PLXNA3: variants seen among roughly 807,000 people sequenced by gnomAD.
PLXNA3 encodes the protein plexin A3, also known as plexin-A3.
In PLXNA3, 52 loss-of-function variants were observed where a neutral mutation model predicts 118.8. The observed-to-expected ratio is 0.44, with a 90% CI of 0.35 to 0.55. The LOEUF (loss-of-function observed/expected upper bound fraction) is 0.55, where lower values mean the gene tolerates loss of function less well. Among genes scored for constraint, PLXNA3 ranks in the 20% least tolerant of loss-of-function variants. The pLI is 0.01. For synonymous variants in PLXNA3, 925 were observed against 762.4 expected (o/e 1.21, Z -3.51); for missense variants, 1,660 against 1,730.8 (o/e 0.96, Z 0.73).
At chrX:154,469,307 G>C in intron 26 of PLXNA3, 72 bp from the exon 27 acceptor site, 2 of 1,160,223 alleles carry the variant, frequency 1.7e-6, no homozygotes, top group Non-Finnish European at 2.3e-6. Flanking sequence ...CCTGAACCCT[G>C]TTTCCAAAGA....
chrX:154,470,782 A>T, intron 30 of PLXNA3, 171 bp downstream of exon 30: 1 of 491,496 alleles, frequency 2.0e-6, no homozygotes, highest in Non-Finnish European at 3.4e-6. Flanking sequence ...TGTTGCGTCC[A>T]GTTCTGGAGC....
At chrX:154,458,817 C>G (rs1406001772) in intron 1 of PLXNA3, among the ~76,000 whole-genome samples, 2 of 112,085 alleles carry the variant, frequency 1.8e-5, no homozygotes, top group Non-Finnish European at 3.8e-5. Flanking sequence ...TCTCTGCTGG[C>G]CCAGCTGTAC....
rs782711186 is a variant in PLXNA3, at chrX:154,464,213, C to G, written c.1728C>G (p.Phe576Leu). The change falls in exon 8 of 33, where the codon TTC becomes TTG. Residue 576 changes from phenylalanine to leucine, a missense_variant. Phe to Leu is a conservative substitution (Grantham distance 22). Around this residue, in one of 2 missense-constraint regions of PLXNA3, gnomAD observed 791 missense variants for 652.1 expected, o/e 1.21. Coordinates refer to ENST00000369682, the MANE Select transcript of PLXNA3 (RefSeq NM_017514.5). The part of the protein sequence containing the change: ...PDLSAGVSCA[F>L]EAAAENEAVL... Reference sequence around the variant, plus strand: ...TCAGTGCGGGCGTGAGCTGCGCCTTCGAGGCGGCGGCGGAGAACGAGGCGG... The same window carrying G: ...TCAGTGCGGGCGTGAGCTGCGCCTTGGAGGCGGCGGCGGAGAACGAGGCGG... 8.3e-7 allele frequency: 1 copy of G among 1,207,484 alleles called. No individual in the cohort carries two copies. Among genetic ancestry groups the G allele is most frequent in the Non-Finnish European group, 1.1e-6 (1 of 894,237 alleles).
chrX:154,469,282 C>T, intron 26 of PLXNA3, 67 bp downstream of exon 26: 6 of 1,156,556 alleles, frequency 5.2e-6, no homozygotes, highest in Non-Finnish European at 7.0e-6. Flanking sequence ...CCTCCGTGGG[C>T]TCTCCCGCTC....
chrX:154,460,388 G>C lies in PLXNA3; in HGVS notation c.205G>C (p.Gly69Arg). Reference sequence around the variant, plus strand: ...GACTGAGCTGCGGGCCCATGTCACGGGGCCCGTCGAGGACAACGCTCGCTG... The same window carrying C: ...GACTGAGCTGCGGGCCCATGTCACGCGGCCCGTCGAGGACAACGCTCGCTG... ...NLTELRAHVT[G>R]PVEDNARCYP... The change falls in exon 2 of 33, where the codon GGG becomes CGG. Residue 69 changes from glycine to arginine, a missense_variant. Coordinates refer to ENST00000369682, the MANE Select transcript of PLXNA3 (RefSeq NM_017514.5). The C allele has an allele frequency of 8.3e-7, 1 of 1,208,167 alleles. No homozygotes were observed. The highest frequency in any genetic ancestry group is 1.1e-6 in the Non-Finnish European group (1 of 893,622).
rs1001425182 is a variant in PLXNA3 at position 154,476,133 on chromosome X, C to G, written c.*3448C>G. 4 of 111,119 alleles carry G rather than the reference C, an allele frequency of 3.6e-5. No homozygotes were observed. The highest frequency in any genetic ancestry group is 7.6e-5 in the Non-Finnish European group (4 of 52,940). The allele number at this position is 111,119 out of a possible 1,213,427, so 9.2% of individuals were successfully genotyped here. On this transcript the variant is annotated 3_prime_UTR_variant, in exon 33 of 33. Coordinates refer to ENST00000369682, the MANE Select transcript of PLXNA3 (RefSeq NM_017514.5). ...GCCAGCCTAGGTGACAGAGCCAGACCCTGTATCAAAAAAAATAATAATAAT... is the reference window on the plus strand; with the variant it reads ...GCCAGCCTAGGTGACAGAGCCAGACGCTGTATCAAAAAAAATAATAATAAT...
chrX:154,470,345 C>T (rs1285594143), intron 29 of PLXNA3, 97 bp from the exon 30 acceptor site: 5 of 989,894 alleles, frequency 5.1e-6, no homozygotes, highest in East Asian at 6.2e-5. Flanking sequence ...GTAGGGAAGC[C>T]CCTCTCTTTG....
intron 30 of PLXNA3, 27 bp downstream of exon 30, chrX:154,470,638 A>C: frequency 8.4e-7 from 1 of 1,194,144 alleles, no homozygotes; most frequent in African/African-American, 1.7e-5. Context: ...GGCTGCCAGC[A>C]GCCTGTCTGG....
chrX:154,465,444 G>A lies in PLXNA3; in HGVS notation c.2265G>A (p.Glu755=). The part of the protein sequence containing the change: ...QNASYSYEGD[E]HGDTELDFSV... ...TCCAGTACTCCTATGAAGGTGATGA[G>A]CATGGTGACACCGAGCTGGACTTTT... The change falls in exon 12 of 33, where the codon GAG becomes GAA. Residue 755 remains glutamate (E), a synonymous_variant. Coordinates refer to ENST00000369682, the MANE Select transcript of PLXNA3 (RefSeq NM_017514.5). The A allele has an allele frequency of 8.3e-7, 1 of 1,206,504 alleles. No homozygotes were observed. Among genetic ancestry groups the A allele is most frequent in the Non-Finnish European group, 1.1e-6 (1 of 890,897 alleles).
chrX:154,463,675 G>C lies in PLXNA3; in HGVS notation c.1532G>C (p.Cys511Ser), dbSNP rs1557205705. The part of the protein sequence containing the change: ...LGSGDPHCGW[C>S]VLRHRCCREG... ...TCCGGGGACCCGCACTGTGGTTGGTGTGTGCTGCGACACAGGTGAGGGCGG... is the reference window on the plus strand; with the variant it reads ...TCCGGGGACCCGCACTGTGGTTGGTCTGTGCTGCGACACAGGTGAGGGCGG... Residue 511 changes from cysteine to serine, a missense_variant, in exon 6 of 33, where the codon TGT becomes TCT. Physicochemically the swap from Cys to Ser is moderately radical, Grantham distance 112. Coordinates refer to ENST00000369682, the MANE Select transcript of PLXNA3 (RefSeq NM_017514.5). The C allele has an allele frequency of 8.3e-7, 1 of 1,199,867 alleles. No homozygotes were observed. The highest frequency in any genetic ancestry group is 1.8e-5 in the African/African-American group (1 of 57,135).
Position 154,464,405 on chromosome X carries a change from C to A in PLXNA3, c.1832C>A (p.Ala611Asp). 1.7e-6 allele frequency: 2 copies of A among 1,208,453 alleles called. No homozygotes were observed. Among genetic ancestry groups the A allele is most frequent in the Non-Finnish European group, 2.2e-6 (2 of 893,290 alleles). ...GGCCACCCCGGGACTGCTGCAGGGG[C>A]CACCCGCACTGTGCGGCTGCAGCTT... ...ELRALTRGHG[A>D]TRTVRLQLLS... The change falls in exon 9 of 33, where the codon GCC becomes GAC. Residue 611 changes from alanine (A) to aspartate (D), a missense_variant. Around this residue, in one of 2 missense-constraint regions of PLXNA3, gnomAD observed 791 missense variants for 652.1 expected, o/e 1.21. Transcript: ENST00000369682.
In PLXNA3 at chrX:154,466,659, C is replaced by T. The variant is rs1557207251; in HGVS notation, c.2973C>T (p.Leu991=). 8.3e-7 allele frequency: 1 copy of T among 1,204,033 alleles called. No individual in the cohort carries two copies. Among genetic ancestry groups the T allele is most frequent in the Non-Finnish European group, 1.1e-6 (1 of 891,761 alleles). Residue 991 remains leucine, a synonymous_variant, in exon 17 of 33, where the codon CTC becomes CTT. Coordinates refer to ENST00000369682, the MANE Select transcript of PLXNA3 (RefSeq NM_017514.5). ...AGGCGATCGTGTGCATCTCACCTCT[C>T]TCCACCCTGGGCCCCAGCCAGGCCC... The part of the protein sequence containing the change: ...DAKAIVCISP[L]STLGPSQAPI...
rs200721928 is a variant in PLXNA3, at chrX:154,466,153, C to T, written c.2682C>T (p.Ile894=). The T allele has an allele frequency of 6.1e-5, 74 of 1,209,233 alleles. 2 individuals are homozygous for T. The highest frequency in any genetic ancestry group is 5.3e-4 in the East Asian group (18 of 33,788). ...CCTGACGCTCTCTGAGCCCTAGGAT[C>T]GTGTGTGAGATGGAGGAGTCGCTGG... ...IPAEYISAER[I]VCEMEESLVP... The change falls in exon 15 of 33, where the codon ATC becomes ATT. Residue 894 remains isoleucine (I), a synonymous_variant. Transcript: ENST00000369682.
In PLXNA3 at chrX:154,464,232, G is replaced by C; in HGVS notation, c.1747G>C (p.Glu583Gln). 1 of 1,208,330 alleles carries C rather than the reference G, an allele frequency of 8.3e-7. No homozygotes were observed. ...SCAFEAAAEN[E>Q]AVLLPSGELL... is the part of the protein sequence containing the mutation. ...CGCCTTCGAGGCGGCGGCGGAGAAC[G>C]AGGCGGTCCTGCTGCCCTCCGGTGA... Residue 583 changes from glutamate (E) to glutamine (Q), a missense_variant, in exon 8 of 33, where the codon GAG (glutamate) becomes CAG (glutamine). Glu to Gln is a conservative substitution (Grantham distance 29, BLOSUM62 2). Around this residue, in one of 2 missense-constraint regions of PLXNA3, gnomAD observed 791 missense variants for 652.1 expected, o/e 1.21. Coordinates refer to ENST00000369682, the MANE Select transcript of PLXNA3 (RefSeq NM_017514.5).
At position 154,469,992 on chromosome X, in the gene PLXNA3, C is replaced by T. The variant is rs995719121; in HGVS notation, c.4811C>T (p.Thr1604Met). 3 of 1,209,575 alleles carry T rather than the reference C, an allele frequency of 2.5e-6. No individual in the cohort carries two copies. The highest frequency in any genetic ancestry group is 3.0e-5 in the East Asian group (1 of 33,799). Residue 1604 changes from threonine to methionine, a missense_variant, in exon 29 of 33, where the codon ACG (threonine) becomes ATG (methionine). Transcript: ENST00000369682. ...SLSRYESLLR[T>M]ASSPDSLRSR... ...TCTGCTCCAGAGAGCTTGCTCCGCA[C>T]GGCCAGCAGCCCTGATAGCCTCCGC...
Position 154,471,631 on chromosome X carries a change from GC to G in PLXNA3, c.5515del (p.Gln1839ArgfsTer89), listed in dbSNP as rs1557209587. On this transcript the variant is annotated frameshift_variant, in exon 32 of 33. Coordinates refer to ENST00000369682, the MANE Select transcript of PLXNA3 (RefSeq NM_017514.5). LOFTEE classifies it high-confidence loss of function. The stretch of plus-strand genomic sequence containing the variant: ...CTGTATTTCTATGTCACCAAGTACC[GC>G]CAGGAGGTGTGTGTCATCCCCACAG... ...NELYFYVTKYRQEILTALDRD... is the reference protein window; with the variant it reads ...NELYFYVTKYXQEILTALDRD... The G allele has an allele frequency of 8.3e-7, 1 of 1,204,301 alleles. No homozygotes were observed. The highest frequency in any genetic ancestry group is 1.7e-5 in the African/African-American group (1 of 57,787).
Position 154,466,010 on chromosome X carries a change from C to T in PLXNA3, c.2608C>T (p.Arg870Ter). 2 of 1,210,828 alleles carry T rather than the reference C, an allele frequency of 1.7e-6. No individual in the cohort carries two copies. Among genetic ancestry groups the T allele is most frequent in the Non-Finnish European group, 2.2e-6 (2 of 894,929 alleles). Reference sequence around the variant, plus strand: ...GGGTGAGAACCTGGGCCTCTTGTCCCGAGAGGTGGGCCTGCGGGTGGCTGG... The same window carrying T: ...GGGTGAGAACCTGGGCCTCTTGTCCTGAGAGGTGGGCCTGCGGGTGGCTGG... Reference protein sequence around the residue: ...IVGENLGLLSREVGLRVAGVR... With the variant: ...IVGENLGLLS Residue 870 changes from arginine to a stop codon, truncating the protein, a stop_gained, in exon 14 of 33, where the codon CGA becomes TGA. Transcript: ENST00000369682. LOFTEE classifies it high-confidence loss of function.
chrX:154,472,988 CTATT>C lies in PLXNA3; in HGVS notation c.*308_*311del. 1 of 234,810 alleles carries C rather than the reference CTATT, an allele frequency of 4.3e-6. No individual in the cohort carries two copies. The allele number at this position is 234,810 out of a possible 1,213,427, so 19.4% of individuals were successfully genotyped here. A position where few individuals can be genotyped will look rare whatever the true frequency, so the allele number is the denominator to read the frequency against. ...CTCCCTGCTATTTATATCCCTCTGC[CTATT>C]TATTGAATCGAACTTCGCCTCTGTC... On this transcript the variant is annotated 3_prime_UTR_variant, in exon 33 of 33. Coordinates refer to ENST00000369682, the MANE Select transcript of PLXNA3 (RefSeq NM_017514.5).
In PLXNA3 at chrX:154,468,626, AC is replaced by A. The variant is rs782030248; in HGVS notation, c.4221-33del. 3 of 1,206,984 alleles carry A rather than the reference AC, an allele frequency of 2.5e-6. No individual in the cohort carries two copies. In the Admixed American group the frequency reaches 6.5e-5, roughly 26 times the overall value. On this transcript the variant is annotated intron_variant, in intron 23 of 32. Transcript: ENST00000369682. Reference sequence around the variant, plus strand: ...TGGGCCTGCCCCCTGTCCAAGCCCCACCCCTGCCAGGCCCGAGCCCCCTTCT... The same window carrying A: ...TGGGCCTGCCCCCTGTCCAAGCCCCACCCTGCCAGGCCCGAGCCCCCTTCT...
Sources: allele counts gnomAD v4.1 joint callset (sites outside exome capture counted in the v4.1 genomes callset), GRCh38; gene constraint gnomAD v4.1.1; regional missense constraint gnomAD v4.1.1; transcripts MANE v1.5; gene names NCBI Gene and HGNC (gene_info 2026-07-23, HGNC 2026-07-21).